ANK2: variants seen among roughly 807,000 people sequenced by gnomAD.
The protein encoded by ANK2 is ankyrin-2.
Under a neutral mutation model 360.5 loss-of-function variants are expected in ANK2, and 83 were observed. The ratio of observed to expected loss-of-function variants is 0.23; its 90% CI spans 0.19 to 0.28. The LOEUF is 0.28. Ranked by LOEUF, ANK2 falls within the 10% of genes least tolerant of loss-of-function variation. The pLI, the probability that ANK2 is intolerant of heterozygous loss-of-function variation, is 1.00. For missense variants in ANK2, 4,201 were observed against 4,795.7 expected, an observed-to-expected ratio of 0.88 and a Z score of 3.66; for synonymous variants, 1,740 against 1,759.5, an observed-to-expected ratio of 0.99 and a Z score of 0.28.
chr4:113,106,680 A>G (rs2093665027), intron 1 of ANK2, among the ~76,000 whole-genome samples: 1 of 152,074 alleles, frequency 6.6e-6, no homozygotes. Context: ...ATGTGTTGTT[A>G]GTTTGTTTTT....
chr4:112,925,680 C>T (rs1338113038), intron 2 of ANK2, among the ~76,000 whole-genome samples: 3 of 152,134 alleles, frequency 2.0e-5, no homozygotes, highest in Admixed American at 2.0e-4. Context: ...TTTCTGCCTA[C>T]TTGAATGGAA....
chr4:113,368,285 C>G (rs2096608467), intron 42 of ANK2, among the ~76,000 whole-genome samples: 1 of 152,216 alleles, frequency 6.6e-6, no homozygotes, highest in Admixed American at 6.5e-5. Flanking sequence ...CTCTGTAGCA[C>G]TTCATCGTGC....
At chr4:113,244,420 A>G (rs1339075206) in intron 9 of ANK2, among the ~76,000 whole-genome samples, 1 of 152,130 alleles carries the variant, frequency 6.6e-6, no homozygotes, top group African/African-American at 2.4e-5. Context: ...AAAACAAACA[A>G]AACCCTTGAT....
chr4:112,976,447 G>A (rs2041452547), intron 2 of ANK2, among the ~76,000 whole-genome samples: 1 of 152,118 alleles, frequency 6.6e-6, no homozygotes, highest in Admixed American at 6.5e-5. Context: ...TCCCACCTTG[G>A]CCTCCCAAAG....
chr4:113,129,098 AAC>A (rs1368117533), intron 1 of ANK2, among the ~76,000 whole-genome samples: 1 of 152,214 alleles, frequency 6.6e-6, no homozygotes, highest in Non-Finnish European at 1.5e-5. Flanking sequence ...AACTAATAAA[AAC>A]AAATAATAAC....
At chr4:112,881,444 A>C (rs1339090354) in intron 1 of ANK2, among the ~76,000 whole-genome samples, 3 of 152,234 alleles carry the variant, frequency 2.0e-5, no homozygotes, top group Non-Finnish European at 2.9e-5. Context: ...TCAAACAAAC[A>C]AAAAACTAAT....
rs1043529388 is a variant in ANK2, at chr4:113,062,511, T to C, written c.84+12699T>C. Among the ~76,000 whole-genome samples, 4 of 152,230 alleles carry C rather than the reference T, an allele frequency of 2.6e-5. No homozygotes were observed. In the East Asian group the frequency reaches 7.7e-4, roughly 29 times the overall value. The stretch of plus-strand genomic sequence containing the variant: ...TGTATGACTACATATCACTCTTTTA[T>C]AGTATATTCATATAAGATTTTCTGC... On this transcript the variant is annotated intron_variant, in intron 1 of 45. Coordinates refer to ENST00000357077, the MANE Select transcript of ANK2 (RefSeq NM_001148.6).
chr4:112,788,342 T>C, the ANK2 span: 1 of 1,546,612 alleles, frequency 6.5e-7, no homozygotes, highest in Admixed American at 1.7e-5. Flanking sequence ...GATAATGCAC[T>C]AAGGGACCAC....
At chr4:112,966,337 T>C (rs940410709) in intron 2 of ANK2, among the ~76,000 whole-genome samples, 2 of 151,790 alleles carry the variant, frequency 1.3e-5, no homozygotes, top group African/African-American at 4.8e-5. Flanking sequence ...TTAATATATA[T>C]ATTTTTCATT....
At chr4:113,170,298 A>C (rs978007503) in intron 1 of ANK2, among the ~76,000 whole-genome samples, 1 of 152,204 alleles carries the variant, frequency 6.6e-6, no homozygotes. Context: ...GCATCTGAGC[A>C]TATGTTAATA....
At chr4:112,825,964 A>T (rs1429167001) in intron 1 of ANK2, among the ~76,000 whole-genome samples, 2 of 152,158 alleles carry the variant, frequency 1.3e-5, no homozygotes, top group East Asian at 3.9e-4. Context: ...TACTTATTTC[A>T]CAGGAAGGTC....
chr4:113,104,702 G>A (rs186385357), intron 1 of ANK2, among the ~76,000 whole-genome samples: 1 of 150,586 alleles, frequency 6.6e-6, no homozygotes, highest in African/African-American at 2.4e-5. Flanking sequence ...GTGATAGAAC[G>A]AGATTCCATC....
the ANK2 span, among the ~76,000 whole-genome samples, chr4:112,754,040 G>A: frequency 1.3e-5 from 2 of 149,462 alleles, no homozygotes; most frequent in African/African-American, 4.9e-5. Flanking sequence ...AGAGGTTGCA[G>A]TGAGCCGAGA....
chr4:112,846,549 G>C (rs1052652138), intron 1 of ANK2, among the ~76,000 whole-genome samples: 21 of 151,440 alleles, frequency 1.4e-4, no homozygotes, highest in Admixed American at 1.2e-3. Context: ...TTCCTAAATG[G>C]GTCTTCCTTT....
chr4:112,754,054 C>T, the ANK2 span, among the ~76,000 whole-genome samples: 432 of 147,498 alleles, frequency 2.9e-3, 2 homozygotes, highest in African/African-American at 1.0e-2. Flanking sequence ...GCCGAGATTA[C>T]GCCACTGCAC....
At chr4:112,976,849 G>A (rs2041603259) in intron 2 of ANK2, among the ~76,000 whole-genome samples, 1 of 152,140 alleles carries the variant, frequency 6.6e-6, no homozygotes, top group South Asian at 2.1e-4. Flanking sequence ...ATGCAGAGAT[G>A]TATTTAAGTA....
intron 1 of ANK2, among the ~76,000 whole-genome samples, chr4:112,832,547 A>G (rs1342025252): frequency 6.6e-6 from 1 of 152,232 alleles, no homozygotes; most frequent in Non-Finnish European, 1.5e-5. Context: ...ATAAAAGCAG[A>G]GCCATTCAAA....
intron 22 of ANK2, among the ~76,000 whole-genome samples, chr4:113,297,579 C>A (rs1358514403): frequency 2.6e-5 from 4 of 151,904 alleles, no homozygotes; most frequent in Admixed American, 2.6e-4. Flanking sequence ...AAAATAGGAG[C>A]CATAAAAATG....
At chr4:113,260,277 A>G (rs769569525) in intron 13 of ANK2, among the ~76,000 whole-genome samples, 1 of 152,208 alleles carries the variant, frequency 6.6e-6, no homozygotes, top group Non-Finnish European at 1.5e-5. Context: ...GGGTACATGT[A>G]TATTTTCAAA....
Sources: gnomAD v4.1 joint callset for allele counts (sites outside exome capture counted in the v4.1 genomes callset) on GRCh38, gnomAD v4.1.1 for gene constraint, MANE v1.5 for transcripts, NCBI Gene and HGNC (gene_info 2026-07-23, HGNC 2026-07-21) for gene names.